The following RFX3 variants were observed in gnomAD, a reference collection of about 807,000 sequenced individuals.
RFX3 encodes the protein transcription factor RFX3.
Under a neutral mutation model 98.6 loss-of-function variants are expected in RFX3, and 14 were observed. That is an observed-to-expected ratio of 0.14 (90% CI 0.09 to 0.22). RFX3 has a LOEUF of 0.22. RFX3 is among the 10% of genes least tolerant of loss of function. The probability of loss-of-function intolerance (pLI) is 1.00; values close to 1 mark genes in which losing one functional copy is unlikely to be tolerated. For missense variants in RFX3, 639 were observed against 926.9 expected (o/e 0.69, Z 4.03); for synonymous variants, 383 against 328.4 (o/e 1.17, Z -1.80).
intron 7 of RFX3, 24 bp from the exon 8 acceptor site, chr9:3,277,485 A>C: frequency 6.2e-7 from 1 of 1,605,284 alleles, no homozygotes; most frequent in Admixed American, 1.7e-5. Flanking sequence ...ATGGAAAAAA[A>C]CAAATAAACC....
At chr9:3,317,168 G>C (rs1360849966) in intron 4 of RFX3, among the ~76,000 whole-genome samples, 3 of 152,112 alleles carry the variant, frequency 2.0e-5, no homozygotes, top group South Asian at 2.1e-4. Context: ...AACCAAAACA[G>C]AGATATAGAC....
chr9:3,442,051 T>A (rs2132700633), intron 1 of RFX3, among the ~76,000 whole-genome samples: 1 of 151,910 alleles, frequency 6.6e-6, no homozygotes, highest in South Asian at 2.1e-4. Flanking sequence ...AATACAAAAA[T>A]TAGCCAGGCG....
At chr9:3,227,544 G>C (rs1333915107) in intron 16 of RFX3, among the ~76,000 whole-genome samples, 3 of 152,202 alleles carry the variant, frequency 2.0e-5, no homozygotes, top group Non-Finnish European at 4.4e-5. Flanking sequence ...GTTTACAGAA[G>C]ACTGTGGTTC....
chr9:3,269,546 A>G (rs1451555681), intron 11 of RFX3, among the ~76,000 whole-genome samples: 2 of 152,284 alleles, frequency 1.3e-5, no homozygotes, highest in Admixed American at 6.5e-5. Context: ...TCATATAGAT[A>G]TAGGCATAAA....
intron 15 of RFX3, among the ~76,000 whole-genome samples, chr9:3,245,923 T>A (rs1342751616): frequency 6.6e-6 from 1 of 152,182 alleles, no homozygotes; most frequent in African/African-American, 2.4e-5. Flanking sequence ...AAGGTAGGCT[T>A]AGGATAATGT....
At chr9:3,366,900 T>C in intron 2 of RFX3, among the ~76,000 whole-genome samples, 1 of 152,064 alleles carries the variant, frequency 6.6e-6, no homozygotes, top group African/African-American at 2.4e-5. Flanking sequence ...ATATCCTTTG[T>C]AGCAAAACTC....
intron 15 of RFX3, among the ~76,000 whole-genome samples, chr9:3,239,445 G>A (rs974496399): frequency 5.3e-5 from 8 of 152,352 alleles, no homozygotes; most frequent in Non-Finnish European, 8.8e-5. Context: ...TGCTGTTGTG[G>A]GCTAGACAGC....
intron 5 of RFX3, among the ~76,000 whole-genome samples, chr9:3,298,526 T>A (rs1225174462): frequency 6.6e-6 from 1 of 151,878 alleles, no homozygotes; most frequent in African/African-American, 2.4e-5. Context: ...CAGGCACTGT[T>A]CTAGGCACTA....
chr9:3,287,226 T>C (rs1369309667), intron 7 of RFX3, among the ~76,000 whole-genome samples: 2 of 151,930 alleles, frequency 1.3e-5, no homozygotes, highest in Non-Finnish European at 2.9e-5. Context: ...TAAACTAGCA[T>C]GGATAGGGAG....
At chr9:3,287,708 T>A (rs1826812041) in intron 7 of RFX3, among the ~76,000 whole-genome samples, 1 of 151,972 alleles carries the variant, frequency 6.6e-6, no homozygotes, top group African/African-American at 2.4e-5. Flanking sequence ...TCTATGAAAG[T>A]TGGATTCAAA....
Position 3,302,419 on chromosome 9 carries a change from T to C in RFX3, c.475-799A>G, listed in dbSNP as rs115000390. 9.8e-3 allele frequency among the ~76,000 whole-genome samples: 1,492 copies of C among 151,904 alleles called. 19 individuals are homozygous for C. Among genetic ancestry groups the C allele is most frequent in the African/African-American group, 0.034 (1,417 of 41,492 alleles). ...TGATACACTCTTAATAACCTCATATTTAAAGTTATCTATCTTTCAACTCCT... is the reference window on the plus strand; with the variant it reads ...TGATACACTCTTAATAACCTCATATCTAAAGTTATCTATCTTTCAACTCCT... On this transcript the variant is annotated intron_variant, in intron 4 of 16. Coordinates refer to ENST00000617270, the MANE Select transcript of RFX3 (RefSeq NM_001282116.2).
At chr9:3,254,732 T>C (rs1409385077) in intron 14 of RFX3, among the ~76,000 whole-genome samples, 1 of 152,150 alleles carries the variant, frequency 6.6e-6, no homozygotes, top group Admixed American at 6.5e-5. Flanking sequence ...CCAAATTAAA[T>C]TTTCTAATTC....
chr9:3,336,057 C>T (rs1833140937), intron 3 of RFX3, among the ~76,000 whole-genome samples: 1 of 152,046 alleles, frequency 6.6e-6, no homozygotes. Flanking sequence ...TGTTGAATGT[C>T]CTCCAACCAA....
intron 1 of RFX3, among the ~76,000 whole-genome samples, chr9:3,422,969 T>C (rs1381302183): frequency 2.0e-5 from 3 of 152,188 alleles, no homozygotes; most frequent in African/African-American, 4.8e-5. Context: ...TAAAGATCTA[T>C]GTGAAAACTG....
chr9:3,249,041 AGTGT>A (rs1388155724), intron 14 of RFX3, among the ~76,000 whole-genome samples: 2 of 151,814 alleles, frequency 1.3e-5, no homozygotes, highest in African/African-American at 2.4e-5. Context: ...TGTGTGTGTG[AGTGT>A]GTGTATGTGT....
chr9:3,232,718 G>T (rs1296901174), intron 15 of RFX3, among the ~76,000 whole-genome samples: 4 of 151,076 alleles, frequency 2.6e-5, no homozygotes, highest in African/African-American at 9.7e-5. Context: ...ATGTCATGTA[G>T]TAAATATGGT....
intron 8 of RFX3, among the ~76,000 whole-genome samples, chr9:3,276,903 C>A (rs540632906): frequency 3.3e-5 from 5 of 151,872 alleles, no homozygotes; most frequent in Non-Finnish European, 7.4e-5. Context: ...ATAGAAAGTA[C>A]TGTGATTAAT....
chr9:3,511,751 A>C (rs932813063), intron 1 of RFX3, among the ~76,000 whole-genome samples: 2 of 152,052 alleles, frequency 1.3e-5, no homozygotes, highest in Admixed American at 6.6e-5. Flanking sequence ...GGTTTCTTCA[A>C]ATATGGGCTA....
At chr9:3,520,650 C>G (rs891590891) in intron 1 of RFX3, among the ~76,000 whole-genome samples, 28 of 152,294 alleles carry the variant, frequency 1.8e-4, no homozygotes, top group African/African-American at 6.7e-4. Flanking sequence ...CCTATTCCAA[C>G]AGCATGAAGT....
Sources: allele counts gnomAD v4.1 joint callset (sites outside exome capture counted in the v4.1 genomes callset), GRCh38; gene constraint gnomAD v4.1.1; transcripts MANE v1.5; gene names NCBI Gene and HGNC (gene_info 2026-07-23, HGNC 2026-07-21).